Variants in PACRG observed in about 807,000 individuals in gnomAD.
PACRG encodes parkin coregulated.
PACRG carries 29 observed loss-of-function variants against 29.7 expected under a neutral mutation model. The ratio of observed to expected loss-of-function variants is 0.98; its 90% CI spans 0.73 to 1.33. The LOEUF (loss-of-function observed/expected upper bound fraction) is 1.33, where lower values mean the gene tolerates loss of function less well. Among genes scored for constraint, PACRG ranks in the 40% most tolerant of loss-of-function variants. The probability of loss-of-function intolerance (pLI) is 0.00; values close to 1 mark genes in which losing one functional copy is unlikely to be tolerated. For synonymous variants in PACRG, 116 were observed against 118.7 expected (o/e 0.98, Z 0.15); for missense variants, 279 against 316.2 (o/e 0.88, Z 0.89).
rs1206740370 is a variant in PACRG, at chr6:162,811,889, T to A, written c.157-2258T>A. ...TAAGCATTTCCTGTGAACAACCATG[T>A]CAGCGCTCAAAAAGTTTCAGATTTT... On this transcript the variant is annotated intron_variant, in intron 1 of 4. Coordinates refer to ENST00000366888, the MANE Select transcript of PACRG (RefSeq NM_001080379.2). Among the ~76,000 whole-genome samples, 5 of 152,164 alleles carry A rather than the reference T, an allele frequency of 3.3e-5. No homozygotes were observed. The East Asian group carries it at 9.6e-4, about 29-fold the overall frequency.
intron 2 of PACRG, among the ~76,000 whole-genome samples, chr6:162,874,446 GT>G (rs1389281070): frequency 4.6e-5 from 7 of 152,048 alleles, no homozygotes; most frequent in Non-Finnish European, 1.0e-4. Flanking sequence ...CCAGGGGTCT[GT>G]TCACAGGAGG....
intron 2 of PACRG, among the ~76,000 whole-genome samples, chr6:162,962,016 G>T (rs183100426): frequency 6.6e-6 from 1 of 151,834 alleles, no homozygotes; most frequent in Non-Finnish European, 1.5e-5. Flanking sequence ...CTAAACTTTT[G>T]TTCCTCCTTG....
At chr6:162,925,498 G>C (rs1584770980) in intron 2 of PACRG, among the ~76,000 whole-genome samples, 2 of 152,280 alleles carry the variant, frequency 1.3e-5, no homozygotes, top group Middle Eastern at 6.8e-3. Context: ...TGGAATGCAA[G>C]GCTGGTTCAA....
At chr6:162,884,553 A>G (rs1794171957) in intron 2 of PACRG, among the ~76,000 whole-genome samples, 3 of 152,230 alleles carry the variant, frequency 2.0e-5, no homozygotes, top group Admixed American at 2.0e-4. Flanking sequence ...CTATTTTTGT[A>G]AATATGAAAT....
intron 4 of PACRG, among the ~76,000 whole-genome samples, chr6:163,288,144 A>T (rs1258429838): frequency 1.3e-5 from 2 of 152,196 alleles, no homozygotes; most frequent in Non-Finnish European, 2.9e-5. Flanking sequence ...GGTTTTCTTA[A>T]TTGCAATTTC....
chr6:163,144,941 G>A (rs1322830739), intron 4 of PACRG, among the ~76,000 whole-genome samples: 1 of 152,140 alleles, frequency 6.6e-6, no homozygotes, highest in Non-Finnish European at 1.5e-5. Flanking sequence ...TAGAGAGATT[G>A]GGGACCCCTC....
chr6:163,006,116 C>A (rs1805074386), intron 2 of PACRG, among the ~76,000 whole-genome samples: 2 of 132,942 alleles, frequency 1.5e-5, no homozygotes, highest in African/African-American at 2.9e-5. Context: ...TATATAGAAA[C>A]AAAACCCATA....
At chr6:162,937,612 C>T (rs1798326172) in intron 2 of PACRG, among the ~76,000 whole-genome samples, 2 of 152,128 alleles carry the variant, frequency 1.3e-5, no homozygotes, top group Non-Finnish European at 2.9e-5. Flanking sequence ...GACCTCCCTC[C>T]CCAAACCAGT....
chr6:163,173,873 T>A (rs1372950934), intron 4 of PACRG, among the ~76,000 whole-genome samples: 1 of 152,202 alleles, frequency 6.6e-6, no homozygotes, highest in Non-Finnish European at 1.5e-5. Flanking sequence ...AAGGCATCGC[T>A]CTGTGCTCTG....
chr6:162,778,051 A>G (rs190247236), intron 1 of PACRG, among the ~76,000 whole-genome samples: 43 of 152,288 alleles, frequency 2.8e-4, no homozygotes, highest in Non-Finnish European at 5.3e-4. Context: ...AATGTGTAAA[A>G]TACGCATTTG....
chr6:163,241,491 A>G (rs1257863899), intron 4 of PACRG, among the ~76,000 whole-genome samples: 2 of 152,224 alleles, frequency 1.3e-5, no homozygotes, highest in African/African-American at 4.8e-5. Context: ...CCCAGGCTCC[A>G]GGAGCCCTCA....
intron 2 of PACRG, among the ~76,000 whole-genome samples, chr6:162,930,957 T>G (rs910957699): frequency 7.2e-5 from 11 of 151,872 alleles, no homozygotes; most frequent in Non-Finnish European, 1.3e-4. Context: ...CTTTTTGAAG[T>G]GCTTTTGGAT....
intron 2 of PACRG, among the ~76,000 whole-genome samples, chr6:162,838,747 C>A (rs1789478224): frequency 1.7e-5 from 2 of 117,344 alleles, no homozygotes; most frequent in Non-Finnish European, 3.4e-5. Context: ...CCCCCCTCCC[C>A]CCACCCCACC....
intron 2 of PACRG, among the ~76,000 whole-genome samples, chr6:162,871,375 T>C (rs1396374991): frequency 6.6e-6 from 1 of 152,226 alleles, no homozygotes; most frequent in Non-Finnish European, 1.5e-5. Context: ...ATGTAAAGGG[T>C]TGATACTATT....
intron 1 of PACRG, among the ~76,000 whole-genome samples, chr6:162,799,376 CTG>C (rs1409742511): frequency 6.6e-6 from 1 of 152,134 alleles, no homozygotes; most frequent in African/African-American, 2.4e-5. Flanking sequence ...GTCGAATAGA[CTG>C]TGGTGGAAAC....
Position 163,314,878 on chromosome 6 carries a change from G to A in PACRG, c.665G>A (p.Gly222Glu). The change falls in exon 5 of 5, where the codon GGG becomes GAG. Residue 222 changes from glycine to glutamate, a missense_variant. By Grantham distance (98) the Gly-to-Glu change is moderately conservative. Coordinates refer to ENST00000366888, the MANE Select transcript of PACRG (RefSeq NM_001080379.2). Reference sequence around the variant, plus strand: ...AGCCAGCAGAAGAGGGAGAACATTGGGGACTTGATCCAGGAGACACTGGAG... The same window carrying A: ...AGCCAGCAGAAGAGGGAGAACATTGAGGACTTGATCCAGGAGACACTGGAG... ...DYSQQKRENIGDLIQETLEAF... is the reference protein window; with the variant it reads ...DYSQQKRENIEDLIQETLEAF... 6.2e-7 allele frequency: 1 copy of A among 1,614,182 alleles called. No homozygotes were observed. Among genetic ancestry groups the A allele is most frequent in the Non-Finnish European group, 8.5e-7 (1 of 1,180,034 alleles).
chr6:163,088,000 G>A (rs1485089085), intron 3 of PACRG, among the ~76,000 whole-genome samples: 1 of 152,178 alleles, frequency 6.6e-6, no homozygotes, highest in East Asian at 1.9e-4. Context: ...GCTTTGACCT[G>A]GAGTGACTGG....
At chr6:163,108,345 C>G (rs1465474440) in intron 4 of PACRG, among the ~76,000 whole-genome samples, 1 of 151,276 alleles carries the variant, frequency 6.6e-6, no homozygotes, top group African/African-American at 2.4e-5. Flanking sequence ...GCCATGCTTC[C>G]TGCACAGCCT....
At chr6:162,816,623 A>G (rs532890496) in intron 2 of PACRG, among the ~76,000 whole-genome samples, 51 of 152,278 alleles carry the variant, frequency 3.3e-4, no homozygotes, top group African/African-American at 1.1e-3. Flanking sequence ...AAGTGCTGGG[A>G]TTACAGGCGT....
Sources: gnomAD v4.1 joint callset for allele counts (sites outside exome capture counted in the v4.1 genomes callset) on GRCh38, gnomAD v4.1.1 for gene constraint, MANE v1.5 for transcripts, NCBI Gene and HGNC (gene_info 2026-07-23, HGNC 2026-07-21) for gene names.